HIVEP3: variants seen among roughly 807,000 people sequenced by gnomAD.
The protein encoded by HIVEP3 is transcription factor HIVEP3.
A neutral mutation model predicts 152.8 loss-of-function variants in HIVEP3; 49 were observed. The ratio of observed to expected loss-of-function variants is 0.32; its 90% CI spans 0.26 to 0.41. The LOEUF (loss-of-function observed/expected upper bound fraction) is 0.41. Ranked by LOEUF, HIVEP3 falls within the 10% of genes least tolerant of loss-of-function variation. The probability of loss-of-function intolerance (pLI) is 1.00; values close to 1 mark genes in which losing one functional copy is unlikely to be tolerated. For missense variants in HIVEP3, 2,790 were observed against 3,103.3 expected (o/e 0.90, Z 2.40); for synonymous variants, 1,269 against 1,289.0 (o/e 0.98, Z 0.33).
chr1:41,844,222 GA>G (rs1211257086), intron 1 of HIVEP3, among the ~76,000 whole-genome samples: 2 of 152,178 alleles, frequency 1.3e-5, no homozygotes, highest in African/African-American at 2.4e-5. Context: ...AAGGGGCATG[GA>G]AAACAACAAC....
intron 1 of HIVEP3, among the ~76,000 whole-genome samples, chr1:41,747,301 C>T (rs1647087342): frequency 6.6e-6 from 1 of 152,142 alleles, no homozygotes; most frequent in Non-Finnish European, 1.5e-5. Context: ...GAGAGGAGTG[C>T]TGCAGGACAC....
At chr1:41,974,672 C>G (rs1410533501) in intron 1 of HIVEP3, among the ~76,000 whole-genome samples, 1 of 152,116 alleles carries the variant, frequency 6.6e-6, no homozygotes, top group African/African-American at 2.4e-5. Flanking sequence ...AGCTTAGATG[C>G]AACCTCCTCC....
At chr1:41,688,410 A>G (rs2124103806) in intron 2 of HIVEP3, among the ~76,000 whole-genome samples, 1 of 152,358 alleles carries the variant, frequency 6.6e-6, no homozygotes, top group East Asian at 1.9e-4. Flanking sequence ...TTTTCTGGTC[A>G]TATGGCTGAC....
At chr1:41,965,533 T>C (rs549333428) in intron 1 of HIVEP3, among the ~76,000 whole-genome samples, 3 of 152,282 alleles carry the variant, frequency 2.0e-5, no homozygotes, top group Admixed American at 1.3e-4. Flanking sequence ...GAGAGGAACA[T>C]AAATGACCTG....
At position 41,665,892 on chromosome 1, in the gene HIVEP3, C is replaced by T. The variant is rs544688718; in HGVS notation, c.-721+35024G>A. 1.1e-4 allele frequency among the ~76,000 whole-genome samples: 17 copies of T among 152,188 alleles called. No individual in the cohort carries two copies. The East Asian group carries it at 3.1e-3, about 28-fold the overall frequency. On this transcript the variant is annotated intron_variant, in intron 2 of 8. Transcript: ENST00000372583. Reference sequence around the variant, plus strand: ...CAGCTTATAACAACAAAATTAGACACAATTTTGGAACCCACTGTTGCTCCC... The same window carrying T: ...CAGCTTATAACAACAAAATTAGACATAATTTTGGAACCCACTGTTGCTCCC...
intron 1 of HIVEP3, among the ~76,000 whole-genome samples, chr1:41,983,369 C>T (rs1457390472): frequency 6.6e-6 from 1 of 152,158 alleles, no homozygotes; most frequent in African/African-American, 2.4e-5. Context: ...TTAACAAGCG[C>T]AAACATAAAG....
intron 3 of HIVEP3, among the ~76,000 whole-genome samples, chr1:41,587,975 C>T (rs758853713): frequency 1.3e-4 from 20 of 152,144 alleles, no homozygotes; most frequent in Non-Finnish European, 2.5e-4. Flanking sequence ...AATAGAGTTG[C>T]CCTTTCAACC....
chr1:41,812,571 A>G (rs901061838), intron 1 of HIVEP3, among the ~76,000 whole-genome samples: 1 of 152,082 alleles, frequency 6.6e-6, no homozygotes, highest in Non-Finnish European at 1.5e-5. Flanking sequence ...TTCCTCTGGA[A>G]TGACTGGGCC....
chr1:41,956,783 C>T (rs1008044978), intron 1 of HIVEP3, among the ~76,000 whole-genome samples: 19 of 152,104 alleles, frequency 1.2e-4, no homozygotes, highest in African/African-American at 2.9e-4. Context: ...TTTTGAACAG[C>T]GCTGGGAGCA....
chr1:41,981,403 G>A (rs1645292784), intron 1 of HIVEP3, among the ~76,000 whole-genome samples: 1 of 152,170 alleles, frequency 6.6e-6, no homozygotes. Context: ...GTCACATTTG[G>A]AGGAGCCGGC....
chr1:41,687,563 T>C (rs1325015050), intron 2 of HIVEP3, among the ~76,000 whole-genome samples: 1 of 152,186 alleles, frequency 6.6e-6, no homozygotes, highest in Non-Finnish European at 1.5e-5. Flanking sequence ...TGGATCTTGC[T>C]CTCCTCTCTC....
chr1:41,805,818 C>T (rs1650570077), intron 1 of HIVEP3, among the ~76,000 whole-genome samples: 1 of 152,160 alleles, frequency 6.6e-6, no homozygotes, highest in Admixed American at 6.5e-5. Flanking sequence ...CCCTTCCATC[C>T]TGATGGAGAG....
chr1:41,584,610 G>A lies in HIVEP3; in HGVS notation c.188C>T (p.Ser63Leu), dbSNP rs910348628. Residue 63 changes from serine (S) to leucine (L), a missense_variant, in exon 4 of 9, where the codon TCA (serine) becomes TTA (leucine). Physicochemically the swap from Ser to Leu is moderately radical, Grantham distance 145. Around this residue, in one of 9 missense-constraint regions of HIVEP3, gnomAD observed 209 missense variants for 237.0 expected, o/e 0.88. Coordinates refer to ENST00000372583, the MANE Select transcript of HIVEP3 (RefSeq NM_024503.5). The surrounding 1 kb of genome is among the most constrained non-coding windows in gnomAD (Gnocchi z 5.2). ...CTGAGAGCCTTCCCTAAGAACTGAT[G>A]AGGGGCCCGGGAAGGGCTGCGGGGC... ...LLAPQPFPGP[S>L]SVLREGSQEK... 2 of 1,611,872 alleles carry A rather than the reference G, an allele frequency of 1.2e-6. No individual in the cohort carries two copies. Among genetic ancestry groups the A allele is most frequent in the African/African-American group, 2.7e-5 (2 of 74,854 alleles).
intron 2 of HIVEP3, among the ~76,000 whole-genome samples, chr1:41,653,982 AC>A (rs766107927): frequency 3.8e-4 from 51 of 134,356 alleles, no homozygotes; most frequent in Non-Finnish European, 4.9e-4. Flanking sequence ...AAAAAAAAAA[AC>A]CAGATTACCT....
intron 1 of HIVEP3, among the ~76,000 whole-genome samples, chr1:42,005,769 T>C (rs1645455778): frequency 6.6e-6 from 1 of 152,220 alleles, no homozygotes; most frequent in Non-Finnish European, 1.5e-5. Context: ...CATCTGACAA[T>C]ACTTTCTTTC....
chr1:41,987,647 G>A (rs1021533611), intron 1 of HIVEP3, among the ~76,000 whole-genome samples: 8 of 152,094 alleles, frequency 5.3e-5, no homozygotes, highest in Admixed American at 5.2e-4. Context: ...TGACAAAAAC[G>A]CCAAGAACCC....
chr1:41,606,138 T>C (rs1179246232), intron 3 of HIVEP3, among the ~76,000 whole-genome samples: 2 of 150,426 alleles, frequency 1.3e-5, no homozygotes, highest in Non-Finnish European at 2.9e-5. Flanking sequence ...GCAGAGTTTT[T>C]CGCATTCAAC....
At chr1:41,599,220 T>C (rs1367324843) in intron 3 of HIVEP3, among the ~76,000 whole-genome samples, 1 of 152,136 alleles carries the variant, frequency 6.6e-6, no homozygotes, top group East Asian at 1.9e-4. Context: ...AAAATGAACC[T>C]TGACCCCCGA....
At chr1:41,770,206 C>G (rs1044398292) in intron 1 of HIVEP3, among the ~76,000 whole-genome samples, 1 of 152,098 alleles carries the variant, frequency 6.6e-6, no homozygotes, top group African/African-American at 2.4e-5. Flanking sequence ...ATCTCCTGAC[C>G]TTGTGATCTG....
Sources: gnomAD v4.1 joint callset for allele counts (sites outside exome capture counted in the v4.1 genomes callset) on GRCh38, gnomAD v4.1.1 for gene constraint, gnomAD v4.1.1 regional missense constraint, Gnocchi (gnomAD v3.1) non-coding constraint, MANE v1.5 for transcripts, NCBI Gene and HGNC (gene_info 2026-07-23, HGNC 2026-07-21) for gene names.